Variants in FCSK observed in about 807,000 individuals in gnomAD.
The protein encoded by FCSK is L-fucose kinase.
In FCSK, 123 loss-of-function variants were observed where a neutral mutation model predicts 122.5. The ratio of observed to expected loss-of-function variants is 1.00; its 90% CI spans 0.87 to 1.17. The LOEUF (loss-of-function observed/expected upper bound fraction) is 1.17. Among genes scored for constraint, FCSK ranks in the 50% most tolerant of loss-of-function variants. FCSK has a pLI of 0.00. For missense variants in FCSK, 1,366 were observed against 1,450.4 expected, an observed-to-expected ratio of 0.94 and a Z score of 0.95; for synonymous variants, 620 against 625.5, an observed-to-expected ratio of 0.99 and a Z score of 0.13.
At chr16:70,472,695 A>G in intron 14 of FCSK, 90 bp downstream of exon 14, 1 of 1,092,836 alleles carries the variant, frequency 9.2e-7, no homozygotes, top group Non-Finnish European at 1.3e-6. Flanking sequence ...GCCCCAGAGC[A>G]GCACGGGCCG....
chr16:70,471,982 A>G (rs2048638693), intron 13 of FCSK, among the ~76,000 whole-genome samples: 1 of 151,644 alleles, frequency 6.6e-6, no homozygotes, highest in Non-Finnish European at 1.5e-5. Flanking sequence ...ATTTTTTTGT[A>G]TTTTTTAGTA....
Position 70,468,035 on chromosome 16 carries a change from C to T in FCSK, c.663+69C>T, listed in dbSNP as rs546915755. ...GGGACAGGGAGGGAGGGTCTGACTT[C>T]CTTCGATTCCTTCTAGAAGCCTCCA... On this transcript the variant is annotated intron_variant, in intron 8 of 23. Coordinates refer to ENST00000288078, the MANE Select transcript of FCSK (RefSeq NM_145059.3). 6 of 1,138,350 alleles carry T rather than the reference C, an allele frequency of 5.3e-6. No individual in the cohort carries two copies. In the African/African-American group the frequency reaches 6.1e-5, roughly 11 times the overall value. The allele number at this position is 1,138,350 out of a possible 1,614,324, so 70.5% of individuals were successfully genotyped here.
chr16:70,463,232 G>C lies in FCSK; in HGVS notation c.42G>C (p.Leu14=), dbSNP rs776996217. The C allele has an allele frequency of 1.9e-6, 3 of 1,613,892 alleles. No homozygotes were observed. Among genetic ancestry groups the C allele is most frequent in the Non-Finnish European group, 8.5e-7 (1 of 1,180,006 alleles). Residue 14 remains leucine, a synonymous_variant, in exon 2 of 24, where the codon CTG becomes CTC. Transcript: ENST00000288078. ...PKGVDWTVII[L]TCQYKDSVQV... ...GAGTTGATTGGACAGTCATCATCCT[G>C]ACCTGCCAGTACAAGGACAGTGTCC... is the stretch of plus-strand genomic sequence containing the variant.
At position 70,469,003 on chromosome 16, in the gene FCSK, T is replaced by C. The variant is rs2048521624; in HGVS notation, c.783+35T>C. 1.9e-6 allele frequency: 3 copies of C among 1,610,550 alleles called. No homozygotes were observed. The Admixed American group carries it at 5.0e-5, about 27-fold the overall frequency. On this transcript the variant is annotated intron_variant, in intron 9 of 23. Coordinates refer to ENST00000288078, the MANE Select transcript of FCSK (RefSeq NM_145059.3). ...GGAGGGCAGCTAGGTGGGGCCTGGC[T>C]TGGGGGCGAGGCACTGTGTGACCTC...
chr16:70,473,440 G>A lies in FCSK; in HGVS notation c.1777+87G>A, dbSNP rs1007582876. On this transcript the variant is annotated intron_variant, in intron 15 of 23. Transcript: ENST00000288078. This position sits in a 1 kb window ranked among gnomAD's most constrained non-coding sequence, Gnocchi z 4.9. ...CTGGGCCATCCCCTGAGGGGACTAG[G>A]GGACCATGAGGTGCTCAAGCAGGGA... is the stretch of plus-strand genomic sequence containing the variant. 73 of 1,381,490 alleles carry A rather than the reference G, an allele frequency of 5.3e-5. No individual in the cohort carries two copies. The highest frequency in any genetic ancestry group is 8.9e-5 in the Admixed American group (3 of 33,862). 85.6% of individuals were successfully genotyped at this position (1,381,490 alleles called of 1,614,324 possible). A position where few individuals can be genotyped will look rare whatever the true frequency, so the allele number is the denominator to read the frequency against.
In FCSK at chr16:70,475,388, G is replaced by T; in HGVS notation, c.2416G>T (p.Val806Leu). Residue 806 changes from valine to leucine, a missense_variant, in exon 19 of 24, where the codon GTG (valine) becomes TTG (leucine). Physicochemically the swap from Val to Leu is conservative, Grantham distance 32. Coordinates refer to ENST00000288078, the MANE Select transcript of FCSK (RefSeq NM_145059.3). ...LKAAFICAGI[V>L]HVHSELQLSE... ...GGCGGCCTTCATCTGTGCAGGGATC[G>T]TGCATGTCCACTCGGAACTCCAGCT... is the stretch of plus-strand genomic sequence containing the variant. The T allele has an allele frequency of 1.2e-6, 2 of 1,610,638 alleles. No homozygotes were observed. The highest frequency in any genetic ancestry group is 8.5e-7 in the Non-Finnish European group (1 of 1,179,808).
At chr16:70,455,299 T>C (rs1283813151) in intron 1 of FCSK, among the ~76,000 whole-genome samples, 1 of 152,158 alleles carries the variant, frequency 6.6e-6, no homozygotes, top group Non-Finnish European at 1.5e-5. Flanking sequence ...ATATTTCAAC[T>C]TGATCTCAGC....
rs949908061 is a variant in FCSK, at chr16:70,473,365, G to C, written c.1777+12G>C. ...CACGCTGGACCAGGGTGAGTGTGCA[G>C]GCTGGTAGTGCTGCAGAATCAGGCC... is the stretch of plus-strand genomic sequence containing the variant. On this transcript the variant is annotated intron_variant, in intron 15 of 23. Transcript: ENST00000288078. This position sits in a 1 kb window ranked among gnomAD's most constrained non-coding sequence, Gnocchi z 4.9. The C allele has an allele frequency of 6.8e-7, 1 of 1,479,670 alleles. No homozygotes were observed. The highest frequency in any genetic ancestry group is 9.0e-7 in the Non-Finnish European group (1 of 1,109,876). 91.7% of individuals were successfully genotyped at this position (1,479,670 alleles called of 1,614,324 possible).
chr16:70,478,515 G>A, intron 21 of FCSK, 36 bp from the exon 22 acceptor site: 1 of 1,613,436 alleles, frequency 6.2e-7, no homozygotes, highest in Non-Finnish European at 8.5e-7. Flanking sequence ...AGCTGGGCCT[G>A]GGTCCTCACC....
At chr16:70,470,278 G>C in intron 10 of FCSK, 36 bp from the exon 11 acceptor site, 1 of 1,452,196 alleles carries the variant, frequency 6.9e-7, no homozygotes, top group Non-Finnish European at 9.6e-7. Flanking sequence ...AGTCGCAGCA[G>C]GCATGGGGTT....
intron 1 of FCSK, among the ~76,000 whole-genome samples, chr16:70,462,654 A>G (rs997343258): frequency 6.7e-6 from 1 of 149,606 alleles, no homozygotes; most frequent in Non-Finnish European, 1.5e-5. Flanking sequence ...TTATTTATTT[A>G]TTTTTTTTGA....
chr16:70,478,288 C>G lies in FCSK; in HGVS notation c.2658C>G (p.Asp886Glu). ...GGCTCACAGGAGGTGGCTGGCAGGA[C>G]CAAGTAGGTGGCCTAATGCCTGGCA... The part of the protein sequence containing the change: ...QVLTTGGGWQ[D>E]QVGGLMPGIK... The change falls in exon 21 of 24, where the codon GAC becomes GAG. Residue 886 changes from aspartate (D) to glutamate (E), a missense_variant. Transcript: ENST00000288078. 1 of 1,613,918 alleles carries G rather than the reference C, an allele frequency of 6.2e-7. No individual in the cohort carries two copies. The highest frequency in any genetic ancestry group is 8.5e-7 in the Non-Finnish European group (1 of 1,179,990).
Position 70,473,661 on chromosome 16 carries a change from G to A in FCSK, c.1777+308G>A, listed in dbSNP as rs1425344845. ...TACTGGGTGCCAGGATGTGGGTGCA[G>A]AGCGTGGCGAGGGGACAGAGCCCCC... On this transcript the variant is annotated intron_variant, in intron 15 of 23. Coordinates refer to ENST00000288078, the MANE Select transcript of FCSK (RefSeq NM_145059.3). The surrounding 1 kb of genome is among the most constrained non-coding windows in gnomAD (Gnocchi z 4.9). Among the ~76,000 whole-genome samples, 1 of 152,186 alleles carries A rather than the reference G, an allele frequency of 6.6e-6. No individual in the cohort carries two copies.
At chr16:70,472,832 C>T (rs1264897935) in intron 14 of FCSK, 151 bp from the exon 15 acceptor site, 1 of 996,840 alleles carries the variant, frequency 1.0e-6, no homozygotes, top group Non-Finnish European at 1.4e-6. Flanking sequence ...GGAAAGGATG[C>T]CAGGCAGCCT....
chr16:70,470,393 T>A lies in FCSK; in HGVS notation c.1035T>A (p.Ala345=). The change falls in exon 11 of 24, where the codon GCT becomes GCA. Residue 345 remains alanine, a synonymous_variant. Coordinates refer to ENST00000288078, the MANE Select transcript of FCSK (RefSeq NM_145059.3). ...TGCTCAGCCTCACACTCCCCGGGGC[T>A]CCTGGGGCCCAGATTGTGCACTCCC... The part of the protein sequence containing the change: ...EFLLSLTLPG[A]PGAQIVHSQV... 2.5e-6 allele frequency: 4 copies of A among 1,612,400 alleles called. No individual in the cohort carries two copies. The South Asian group carries it at 4.4e-5, about 18-fold the overall frequency.
Position 70,478,379 on chromosome 16 carries a change from G to A in FCSK, c.2749G>A (p.Glu917Lys). ...GGAGGTAGAAGAGGTCACGGTGCCT[G>A]AGGGCTTTGTCCAGAAGCTCAATGA... ...KVEVEEVTVP[E>K]GFVQKLNDHL... The change falls in exon 21 of 24, where the codon GAG becomes AAG. Residue 917 changes from glutamate (E) to lysine (K), a missense_variant. Glu to Lys is a moderately conservative substitution (Grantham distance 56). Coordinates refer to ENST00000288078, the MANE Select transcript of FCSK (RefSeq NM_145059.3). The A allele has an allele frequency of 1.2e-6, 2 of 1,614,228 alleles. No homozygotes were observed. Among genetic ancestry groups the A allele is most frequent in the Non-Finnish European group, 1.7e-6 (2 of 1,180,050 alleles).
intron 1 of FCSK, among the ~76,000 whole-genome samples, chr16:70,462,683 C>T (rs1404175040): frequency 2.0e-5 from 3 of 151,782 alleles, no homozygotes; most frequent in Non-Finnish European, 4.4e-5. Flanking sequence ...CTCCCTTTGT[C>T]GCCCAGGTTG....
At chr16:70,455,136 G>A (rs918692891) in intron 1 of FCSK, among the ~76,000 whole-genome samples, 1 of 152,182 alleles carries the variant, frequency 6.6e-6, no homozygotes, top group African/African-American at 2.4e-5. Context: ...TCCTCCGTGA[G>A]CCTTTTTTTC....
chr16:70,472,372 C>G, intron 13 of FCSK, 169 bp from the exon 14 acceptor site: 1 of 523,010 alleles, frequency 1.9e-6, no homozygotes, highest in Admixed American at 3.7e-5. Context: ...TTCATACCTG[C>G]AGTGAGCTGA....
Sources: allele counts gnomAD v4.1 joint callset (sites outside exome capture counted in the v4.1 genomes callset), GRCh38; gene constraint gnomAD v4.1.1; non-coding constraint Gnocchi (gnomAD v3.1); transcripts MANE v1.5; gene names NCBI Gene and HGNC (gene_info 2026-07-23, HGNC 2026-07-21).